The following AUTS2 variants were observed in gnomAD, a reference collection of about 807,000 sequenced individuals.
AUTS2 encodes autism susceptibility gene 2 protein.
Under a neutral mutation model 112.4 loss-of-function variants are expected in AUTS2, and 17 were observed. The observed-to-expected ratio is 0.15, with a 90% CI of 0.10 to 0.23. AUTS2 has a LOEUF of 0.23. Ranked by LOEUF, AUTS2 falls within the 10% of genes least tolerant of loss-of-function variation. The pLI, the probability that AUTS2 is intolerant of heterozygous loss-of-function variation, is 1.00. For synonymous variants in AUTS2, 751 were observed against 702.7 expected (o/e 1.07, Z -1.09); for missense variants, 1,510 against 1,701.6 (o/e 0.89, Z 1.98).
intron 2 of AUTS2, among the ~76,000 whole-genome samples, chr7:69,998,277 A>T (rs1469487409): frequency 1.3e-5 from 2 of 151,690 alleles, no homozygotes; most frequent in African/African-American, 2.4e-5. Flanking sequence ...GAATTCCTGG[A>T]CCCGGGTGAC....
intron 6 of AUTS2, among the ~76,000 whole-genome samples, chr7:70,739,948 C>T (rs1788008811): frequency 6.6e-6 from 1 of 152,148 alleles, no homozygotes; most frequent in Admixed American, 6.5e-5. Context: ...CAGCAGTATT[C>T]CCGGCCCTCC....
At chr7:69,678,439 T>C (rs1012663764) in intron 1 of AUTS2, among the ~76,000 whole-genome samples, 1 of 152,172 alleles carries the variant, frequency 6.6e-6, no homozygotes, top group African/African-American at 2.4e-5. Flanking sequence ...GAATCAAGTT[T>C]CTCTTTTTAA....
intron 2 of AUTS2, among the ~76,000 whole-genome samples, chr7:69,925,881 A>C (rs544745598): frequency 6.6e-6 from 1 of 152,286 alleles, no homozygotes; most frequent in Non-Finnish European, 1.5e-5. Flanking sequence ...TTAACTGGGT[A>C]TGGTGGTGCG....
At chr7:69,910,619 A>G (rs1795314623) in intron 2 of AUTS2, among the ~76,000 whole-genome samples, 1 of 151,990 alleles carries the variant, frequency 6.6e-6, no homozygotes, top group Non-Finnish European at 1.5e-5. Context: ...ACCTGTTTTT[A>G]TTTTATTATT....
chr7:69,943,985 G>A (rs1050365131), intron 2 of AUTS2, among the ~76,000 whole-genome samples: 10 of 152,180 alleles, frequency 6.6e-5, no homozygotes, highest in Non-Finnish European at 1.5e-4. Context: ...TTTTGTTGGG[G>A]ATAAATAGTT....
intron 5 of AUTS2, among the ~76,000 whole-genome samples, chr7:70,621,398 G>GCCACCTGAA (rs1176750185): frequency 6.6e-6 from 1 of 152,200 alleles, no homozygotes; most frequent in Admixed American, 6.5e-5. Flanking sequence ...GAGATCTCTT[G>GCCACCTGAA]CCACCTGAAC....
At position 70,776,915 on chromosome 7, in the gene AUTS2, G is replaced by A. The variant is rs191052638; in HGVS notation, c.1933-188G>A. On this transcript the variant is annotated intron_variant, in intron 13 of 18. Coordinates refer to ENST00000342771, the MANE Select transcript of AUTS2 (RefSeq NM_015570.4). ...AAACCCACGTGGGGAGAGAGGGGGA[G>A]CTGGCTGTGACTCCCTTATGACTGG... The A allele has an allele frequency of 4.4e-5, 28 of 634,308 alleles. No homozygotes were observed. In the East Asian group the frequency reaches 8.0e-4, roughly 18 times the overall value. The allele number at this position is 634,308 out of a possible 1,614,324, so 39.3% of individuals were successfully genotyped here.
chr7:69,909,760 A>G (rs978627865), intron 2 of AUTS2, among the ~76,000 whole-genome samples: 4 of 152,170 alleles, frequency 2.6e-5, no homozygotes, highest in Admixed American at 2.0e-4. Flanking sequence ...TATTCTTAGG[A>G]TTTAACAATT....
intron 3 of AUTS2, among the ~76,000 whole-genome samples, chr7:70,133,487 G>C (rs894176599): frequency 6.6e-6 from 1 of 152,140 alleles, no homozygotes; most frequent in African/African-American, 2.4e-5. Context: ...TCCAGAGTAG[G>C]GGGCAGGACA....
chr7:69,677,499 T>A (rs1796613500), intron 1 of AUTS2, among the ~76,000 whole-genome samples: 1 of 152,178 alleles, frequency 6.6e-6, no homozygotes, highest in Admixed American at 6.5e-5. Flanking sequence ...GAGAAAGTTG[T>A]TGAAGAGTGA....
chr7:69,826,325 T>G (rs989704543), intron 1 of AUTS2, among the ~76,000 whole-genome samples: 3 of 152,192 alleles, frequency 2.0e-5, no homozygotes, highest in Admixed American at 2.0e-4. Context: ...ATAAAAAAAT[T>G]TAAGATGCGG....
intron 1 of AUTS2, among the ~76,000 whole-genome samples, chr7:69,771,264 G>A (rs1788651719): frequency 6.6e-6 from 1 of 152,184 alleles, no homozygotes. Flanking sequence ...CTACTTTCAA[G>A]AGCAATTTTC....
chr7:70,333,980 T>C (rs1790876084), intron 4 of AUTS2, among the ~76,000 whole-genome samples: 2 of 152,122 alleles, frequency 1.3e-5, no homozygotes, highest in Admixed American at 1.3e-4. Context: ...GAAATACAGC[T>C]GATTTTTGTG....
chr7:70,238,204 G>T (rs1812426753), intron 4 of AUTS2, among the ~76,000 whole-genome samples: 1 of 152,146 alleles, frequency 6.6e-6, no homozygotes, highest in African/African-American at 2.4e-5. Context: ...AGTGCTGCTT[G>T]CTGTCTTCTT....
chr7:70,173,462 A>C (rs973549170), intron 4 of AUTS2, among the ~76,000 whole-genome samples: 3 of 152,066 alleles, frequency 2.0e-5, no homozygotes, highest in Admixed American at 2.0e-4. Flanking sequence ...CCTTTCTGGC[A>C]TTAATTGGGG....
chr7:70,111,392 T>A (rs1354232130), intron 2 of AUTS2, among the ~76,000 whole-genome samples: 1 of 152,206 alleles, frequency 6.6e-6, no homozygotes, highest in Non-Finnish European at 1.5e-5. Flanking sequence ...TTCCTTTCTA[T>A]AATAAACTGC....
intron 4 of AUTS2, chr7:70,316,996 G>A (rs902698435): frequency 3.3e-5 from 5 of 152,278 alleles, no homozygotes; most frequent in Admixed American, 2.0e-4. Flanking sequence ...CATGTCTCTG[G>A]GAGAAGAGGC....
At chr7:70,700,519 G>A (rs1053315498) in intron 6 of AUTS2, among the ~76,000 whole-genome samples, 24 of 152,136 alleles carry the variant, frequency 1.6e-4, no homozygotes, top group Non-Finnish European at 5.9e-5. Flanking sequence ...GACAAGAGAC[G>A]GAATCAGTGC....
At chr7:70,725,065 A>C (rs751600411) in intron 6 of AUTS2, among the ~76,000 whole-genome samples, 1 of 152,228 alleles carries the variant, frequency 6.6e-6, no homozygotes, top group African/African-American at 2.4e-5. Flanking sequence ...TATGTAGGAT[A>C]TGATATCACA....
Sources: allele counts gnomAD v4.1 joint callset (sites outside exome capture counted in the v4.1 genomes callset), GRCh38; gene constraint gnomAD v4.1.1; transcripts MANE v1.5; gene names NCBI Gene and HGNC (gene_info 2026-07-23, HGNC 2026-07-21).